The following EXOC2 variants were observed in gnomAD, a reference collection of about 807,000 sequenced individuals.
EXOC2 encodes exocyst complex component 2.
In EXOC2, 70 loss-of-function variants were observed where a neutral mutation model predicts 131.8. The ratio of observed to expected loss-of-function variants is 0.53; its 90% CI spans 0.44 to 0.65. The LOEUF (loss-of-function observed/expected upper bound fraction) is 0.65, where lower values mean the gene tolerates loss of function less well. EXOC2 is among the 30% of genes least tolerant of loss of function. The probability of loss-of-function intolerance (pLI) is 0.00; values close to 1 mark genes in which losing one functional copy is unlikely to be tolerated. For missense variants in EXOC2, 923 were observed against 1,108.6 expected (o/e 0.83, Z 2.38); for synonymous variants, 411 against 398.4 (o/e 1.03, Z -0.38).
chr6:673,197 G>A (rs1320259061), intron 1 of EXOC2, among the ~76,000 whole-genome samples: 1 of 136,450 alleles, frequency 7.3e-6, no homozygotes, highest in African/African-American at 2.8e-5. Flanking sequence ...GGGTTGCAGA[G>A]GCAAGATCGC....
At chr6:530,802 T>C (rs1046974859) in intron 23 of EXOC2, among the ~76,000 whole-genome samples, 7 of 152,210 alleles carry the variant, frequency 4.6e-5, no homozygotes, top group African/African-American at 1.2e-4. Context: ...CAACCAACCA[T>C]GAATGGAAAA....
At chr6:499,561 C>T in intron 24 of EXOC2, 84 bp downstream of exon 24, 2 of 1,209,630 alleles carry the variant, frequency 1.7e-6, no homozygotes, top group South Asian at 2.6e-5. Context: ...AAAAAGACCA[C>T]CATAGAAATA....
At chr6:499,942 T>C (rs1438052613) in intron 23 of EXOC2, among the ~76,000 whole-genome samples, 1 of 152,210 alleles carries the variant, frequency 6.6e-6, no homozygotes, top group African/African-American at 2.4e-5. Context: ...TTATGTTCTC[T>C]ATAACTGGCT....
At chr6:555,389 ATCTCATTAGTGGTG>A in intron 19 of EXOC2, 101 bp from the exon 20 acceptor site, 1 of 663,652 alleles carries the variant, frequency 1.5e-6, no homozygotes, top group Non-Finnish European at 2.5e-6. Context: ...AGAATTATAT[ATCTCATTAGTGGTG>A]TGGTGTTGTG....
intron 25 of EXOC2, among the ~76,000 whole-genome samples, chr6:491,542 C>A (rs1028769492): frequency 1.4e-4 from 22 of 152,284 alleles, no homozygotes; most frequent in African/African-American, 5.1e-4. Flanking sequence ...CTTTGAAACA[C>A]TGCCCTGAAA....
intron 23 of EXOC2, among the ~76,000 whole-genome samples, chr6:499,907 T>A (rs540066058): frequency 2.6e-5 from 4 of 152,208 alleles, no homozygotes; most frequent in African/African-American, 9.7e-5. Flanking sequence ...AGTTTTCTTT[T>A]ATTGTTTTTC....
intron 2 of EXOC2, among the ~76,000 whole-genome samples, chr6:633,730 G>T (rs536534184): frequency 7.3e-4 from 111 of 152,266 alleles, no homozygotes; most frequent in African/African-American, 2.5e-3. Flanking sequence ...TGGCATAGTA[G>T]TTCCTCCTGC....
At chr6:584,227 G>T (rs1030017696) in intron 11 of EXOC2, among the ~76,000 whole-genome samples, 1 of 152,006 alleles carries the variant, frequency 6.6e-6, no homozygotes, top group Non-Finnish European at 1.5e-5. Flanking sequence ...ATTTAATCTC[G>T]CATACAGGAA....
intron 7 of EXOC2, among the ~76,000 whole-genome samples, chr6:607,851 ATT>A (rs1316561099): frequency 6.6e-6 from 1 of 152,216 alleles, no homozygotes; most frequent in East Asian, 1.9e-4. Context: ...ACAAAAAACA[ATT>A]TCTTTTTTTT....
intron 14 of EXOC2, 35 bp from the exon 15 acceptor site, chr6:564,737 A>G (rs374134562): frequency 3.5e-5 from 56 of 1,578,504 alleles, no homozygotes; most frequent in Middle Eastern, 1.7e-4. Flanking sequence ...CCGTGTTCAA[A>G]TGTGATTAAT....
At chr6:537,384 C>T (rs1029328249) in intron 22 of EXOC2, among the ~76,000 whole-genome samples, 3 of 149,188 alleles carry the variant, frequency 2.0e-5, no homozygotes, top group African/African-American at 2.5e-5. Flanking sequence ...TGATGGCCGA[C>T]GGAGCGTACA....
At chr6:554,413 T>A (rs1023896014) in intron 20 of EXOC2, among the ~76,000 whole-genome samples, 15 of 152,216 alleles carry the variant, frequency 9.9e-5, no homozygotes, top group Non-Finnish European at 8.8e-5. Context: ...TCTGTTAACA[T>A]GGGCAACATG....
At chr6:507,882 G>C (rs1189549153) in intron 23 of EXOC2, among the ~76,000 whole-genome samples, 1 of 152,202 alleles carries the variant, frequency 6.6e-6, no homozygotes, top group Non-Finnish European at 1.5e-5. Flanking sequence ...GAACACTTTG[G>C]ATTCACCAAG....
chr6:600,387 C>A (rs1760064892), intron 7 of EXOC2, among the ~76,000 whole-genome samples: 1 of 152,076 alleles, frequency 6.6e-6, no homozygotes, highest in Non-Finnish European at 1.5e-5. Context: ...TATTTGAAAT[C>A]TGATTAGGGT....
intron 22 of EXOC2, among the ~76,000 whole-genome samples, chr6:539,577 T>C (rs1342723803): frequency 6.6e-6 from 1 of 152,268 alleles, no homozygotes; most frequent in Non-Finnish European, 1.5e-5. Context: ...ACTTCTTTAC[T>C]GTTGTCTTCA....
rs757953005 is a variant in EXOC2 at position 553,933 on chromosome 6, G to T, written c.2055-13C>A. ...ATCAACAGAGAGACTGAACATAGAA[G>T]CAAGTAGGAACAGTTACAAATAAAG... On this transcript the variant is annotated splice_polypyrimidine_tract_variant and intron_variant, in intron 20 of 27. Transcript: ENST00000230449. The T allele has an allele frequency of 2.5e-6, 4 of 1,609,888 alleles. No individual in the cohort carries two copies. In the South Asian group the frequency reaches 4.4e-5, roughly 18 times the overall value.
In EXOC2 at chr6:663,484, A is replaced by G. The variant is rs1763506542; in HGVS notation, c.-43-25623T>C. Among the ~76,000 whole-genome samples, 4 of 152,300 alleles carry G rather than the reference A, an allele frequency of 2.6e-5. No homozygotes were observed. In the South Asian group the frequency reaches 8.3e-4, roughly 32 times the overall value. On this transcript the variant is annotated intron_variant, in intron 1 of 27. Transcript: ENST00000230449. ...ATCAAAACCAGGAAAGGACATAACA[A>G]AAAAGAAAACTACAGACCAATATCC...
intron 1 of EXOC2, among the ~76,000 whole-genome samples, chr6:647,668 T>C (rs1480881821): frequency 1.5e-5 from 2 of 137,698 alleles, no homozygotes; most frequent in Non-Finnish European, 3.1e-5. Flanking sequence ...TGGCTCACTC[T>C]GGTGTGAAAC....
Position 532,445 on chromosome 6 carries a change from T to A in EXOC2, c.2380+24A>T, listed in dbSNP as rs77649909. On this transcript the variant is annotated intron_variant, in intron 23 of 27. Transcript: ENST00000230449. ...TTGATAAAAGTATATCCACATCTAT[T>A]ACTCAAGAAACTTTATTACTTACCT... 2,029 of 1,529,162 alleles carry A rather than the reference T, an allele frequency of 1.3e-3. 29 individuals carry two copies. In the African/African-American group the frequency reaches 0.026, roughly 19 times the overall value. The allele number at this position is 1,529,162 out of a possible 1,614,324, so 94.7% of individuals were successfully genotyped here. A position where few individuals can be genotyped will look rare whatever the true frequency, so the allele number is the denominator to read the frequency against.
Sources: allele counts gnomAD v4.1 joint callset (sites outside exome capture counted in the v4.1 genomes callset), GRCh38; gene constraint gnomAD v4.1.1; transcripts MANE v1.5; gene names NCBI Gene and HGNC (gene_info 2026-07-23, HGNC 2026-07-21).